BCAR1: variants seen among roughly 807,000 people sequenced by gnomAD.
The protein encoded by BCAR1 is BCAR1 scaffold protein, Cas family member, also known as breast cancer anti-estrogen resistance protein 1.
In BCAR1, 30 loss-of-function variants were observed where a neutral mutation model predicts 67.6. The ratio of observed to expected loss-of-function variants is 0.44; its 90% CI spans 0.33 to 0.60. The LOEUF is 0.60. BCAR1 is among the 20% of genes least tolerant of loss of function. The probability of loss-of-function intolerance (pLI) is 0.02; values close to 1 mark genes in which losing one functional copy is unlikely to be tolerated. For missense variants in BCAR1, 1,313 were observed against 1,222.3 expected (o/e 1.07, Z -1.11); for synonymous variants, 626 against 556.7 (o/e 1.12, Z -1.75).
chr16:75,252,760 A>G (rs1223320981), upstream of BCAR1, among the ~76,000 whole-genome samples: 1 of 152,210 alleles, frequency 6.6e-6, no homozygotes, highest in East Asian at 1.9e-4. Flanking sequence ...GTGGGCCTGC[A>G]GCTGCCCCTC....
Position 75,251,537 on chromosome 16 carries a change from CG to C in BCAR1, c.-56del. On this transcript the variant is annotated 5_prime_UTR_variant, in exon 1 of 7. Coordinates refer to ENST00000162330, the MANE Select transcript of BCAR1 (RefSeq NM_014567.5). ...TCGCGGGGGCGCACACCGAGCTGCC[CG>C]GGCCGCGTGCCCTCGGGGCTCCGAG... 1 of 1,206,288 alleles carries C rather than the reference CG, an allele frequency of 8.3e-7. No individual in the cohort carries two copies. The highest frequency in any genetic ancestry group is 1.0e-6 in the Non-Finnish European group (1 of 970,622). 74.7% of individuals were successfully genotyped at this position (1,206,288 alleles called of 1,614,324 possible).
chr16:75,250,436 A>G (rs1234513923), intron 1 of BCAR1, among the ~76,000 whole-genome samples: 2 of 152,230 alleles, frequency 1.3e-5, no homozygotes, highest in African/African-American at 4.8e-5. Flanking sequence ...GAAACATCTC[A>G]CTAGCAAAGA....
At chr16:75,259,233 A>G (rs928695914) in intron 1 of BCAR1, among the ~76,000 whole-genome samples, 1 of 152,250 alleles carries the variant, frequency 6.6e-6, no homozygotes, top group Non-Finnish European at 1.5e-5. Context: ...ATTTGGGAGC[A>G]CAGATCTCTA....
intron 1 of BCAR1, chr16:75,249,872 G>A (rs2077622442): frequency 1.3e-5 from 2 of 152,270 alleles, no homozygotes; most frequent in African/African-American, 4.8e-5. Flanking sequence ...GGCCACATGT[G>A]GTGCTGCACT....
In BCAR1 at chr16:75,229,236, T is replaced by C. The variant is rs1442101740; in HGVS notation, c.*275A>G. ...CGAGGTCCTGCAGGCTGCAGGACCC[T>C]CACACTCCAGCCCCGTCTGGTGACC... On this transcript the variant is annotated 3_prime_UTR_variant, in exon 7 of 7. Coordinates refer to ENST00000162330, the MANE Select transcript of BCAR1 (RefSeq NM_014567.5). The C allele has an allele frequency of 7.0e-6, 3 of 426,668 alleles. No individual in the cohort carries two copies. The East Asian group carries it at 1.2e-4, about 17-fold the overall frequency. 26.4% of individuals were successfully genotyped at this position (426,668 alleles called of 1,614,324 possible).
chr16:75,251,976 C>T, upstream of BCAR1: 1 of 603,278 alleles, frequency 1.7e-6, no homozygotes, highest in Non-Finnish European at 2.9e-6. Context: ...TCCTCCAGAG[C>T]CGAGACATGG....
Position 75,260,636 on chromosome 16 carries a change from A to AC in BCAR1, c.66+7278_66+7279insG, listed in dbSNP as rs570915781. 6.7e-3 allele frequency among the ~76,000 whole-genome samples: 1,000 copies of AC among 150,014 alleles called. 5 individuals are homozygous for AC. The highest frequency in any genetic ancestry group is 0.014 in the Middle Eastern group (4 of 290). On this transcript the variant is annotated intron_variant, in intron 1 of 6. Coordinates refer to the BCAR1 transcript ENST00000393422. ...GTGACAGAGTGAGACTCCATCTCAA[A>AC]AAAAAAAAAAAAAACCTCATCCAAC...
chr16:75,235,323 C>A lies in BCAR1; in HGVS notation c.1576G>T (p.Val526Leu). The A allele has an allele frequency of 6.2e-7, 1 of 1,602,658 alleles. No homozygotes were observed. Among genetic ancestry groups the A allele is most frequent in the Non-Finnish European group, 8.5e-7 (1 of 1,172,472 alleles). Residue 526 changes from valine (V) to leucine (L), a missense_variant, in exon 5 of 7, where the codon GTG (valine) becomes TTG (leucine). By Grantham distance (32) the Val-to-Leu change is conservative. Transcript: ENST00000162330. ...HELLEFARSAVGNAAHTSDRA... is the reference protein window; with the variant it reads ...HELLEFARSALGNAAHTSDRA... ...TCAGATGTGTGGGCAGCATTGCCCA[C>A]CGCGCTGCGGGCAAACTCCAACAGC...
chr16:75,238,803 C>A (rs922544909), intron 2 of BCAR1: 4 of 985,446 alleles, frequency 4.1e-6, no homozygotes, highest in Non-Finnish European at 4.8e-6. Context: ...GACCTGCCAA[C>A]AGCGGGGCAG....
chr16:75,230,076 T>A (rs6564241), intron 6 of BCAR1, 53 bp from the exon 7 acceptor site: 1 of 1,510,278 alleles, frequency 6.6e-7, no homozygotes, highest in South Asian at 1.3e-5. Flanking sequence ...GAGTTGGAAC[T>A]ACAGGCCGAG....
chr16:75,244,694 A>G (rs1374137560), intron 1 of BCAR1, among the ~76,000 whole-genome samples: 3 of 152,184 alleles, frequency 2.0e-5, no homozygotes, highest in South Asian at 4.1e-4. Flanking sequence ...GTGGAGAGCC[A>G]GGAGGAGCAA....
chr16:75,243,073 C>T lies in BCAR1; in HGVS notation c.30G>A (p.Ala10=), dbSNP rs5005338. 15 of 1,596,080 alleles carry T rather than the reference C, an allele frequency of 9.4e-6. No homozygotes were observed. The highest frequency in any genetic ancestry group is 3.4e-5 in the Admixed American group (2 of 59,014). The change falls in exon 2 of 7, where the codon GCG becomes GCA. Residue 10 remains alanine (A), a synonymous_variant. Transcript: ENST00000162330. MNHLNVLAK[A]LYDNVAESPD... ...GGGACTCGGCCACATTGTCATAGAGCGCTTTGGCCAGCACGTTCTGGGGAG... is the reference window on the plus strand; with the variant it reads ...GGGACTCGGCCACATTGTCATAGAGTGCTTTGGCCAGCACGTTCTGGGGAG...
intron 1 of BCAR1, chr16:75,250,529 C>G: frequency 1.6e-6 from 1 of 639,532 alleles, no homozygotes; most frequent in South Asian, 7.1e-5. Context: ...AAACCAGGGA[C>G]TCTCAGGAGG....
Position 75,229,937 on chromosome 16 carries a change from G to A in BCAR1, c.2187C>T (p.Ala729=), listed in dbSNP as rs766545747. 25 of 1,604,736 alleles carry A rather than the reference G, an allele frequency of 1.6e-5. No homozygotes were observed. Among genetic ancestry groups the A allele is most frequent in the Admixed American group, 1.3e-4 (8 of 59,712 alleles). Residue 729 remains alanine, a synonymous_variant, in exon 7 of 7, where the codon GCC becomes GCT. Transcript: ENST00000162330. ...GCCCCAGGCCGCCTGTTCGCCCCGGGGCCAGGGGTTGGGCTGGCGTCCAGT... is the reference window on the plus strand; with the variant it reads ...GCCCCAGGCCGCCTGTTCGCCCCGGAGCCAGGGGTTGGGCTGGCGTCCAGT... ...LANWTPAQPL[A]PGRTGGLGPS...
chr16:75,234,005 CG>C, intron 5 of BCAR1, 70 bp from the exon 6 acceptor site: 1 of 1,476,810 alleles, frequency 6.8e-7, no homozygotes, highest in Non-Finnish European at 9.3e-7. Flanking sequence ...AGCCCTGTGG[CG>C]GGCGCAGTGA....
At chr16:75,232,112 G>A (rs59528518) in intron 6 of BCAR1, among the ~76,000 whole-genome samples, 2,076 of 152,014 alleles carry the variant, frequency 0.014, 37 homozygotes, top group African/African-American at 0.046. Context: ...TCGAACTCCC[G>A]ACCTCAGGTG....
chr16:75,249,786 C>G (rs770665295), intron 1 of BCAR1: 3 of 152,204 alleles, frequency 2.0e-5, no homozygotes, highest in Non-Finnish European at 4.4e-5. Flanking sequence ...GGGTTCCTAC[C>G]AAGTTGACAA....
At chr16:75,237,594 C>T (rs753609995) in intron 2 of BCAR1, among the ~76,000 whole-genome samples, 2 of 152,214 alleles carry the variant, frequency 1.3e-5, no homozygotes, top group Admixed American at 6.5e-5. Context: ...AGGACACCAA[C>T]GTCTCTACAG....
chr16:75,251,621 G>C lies in BCAR1; in HGVS notation c.-139C>G. On this transcript the variant is annotated 5_prime_UTR_variant, in exon 1 of 7. Coordinates refer to ENST00000162330, the MANE Select transcript of BCAR1 (RefSeq NM_014567.5). ...CTGCCGCCTCGGCCACCCAGAGCCG[G>C]TCCAGCCGCTCTCCGCCTGCCGCCA... The C allele has an allele frequency of 5.9e-6, 6 of 1,010,988 alleles. No individual in the cohort carries two copies. The highest frequency in any genetic ancestry group is 4.5e-5 in the South Asian group (1 of 22,236). 62.6% of individuals were successfully genotyped at this position (1,010,988 alleles called of 1,614,324 possible). A position where few individuals can be genotyped will look rare whatever the true frequency, so the allele number is the denominator to read the frequency against.
Sources: gnomAD v4.1 joint callset for allele counts (sites outside exome capture counted in the v4.1 genomes callset) on GRCh38, gnomAD v4.1.1 for gene constraint, MANE v1.5 for transcripts, NCBI Gene and HGNC (gene_info 2026-07-23, HGNC 2026-07-21) for gene names.